NHEJ1: variants seen among roughly 807,000 people sequenced by gnomAD.
NHEJ1 encodes the protein non-homologous end-joining factor 1.
In NHEJ1, 22 loss-of-function variants were observed where a neutral mutation model predicts 39.4. The observed-to-expected ratio is 0.56, with a 90% confidence interval of 0.40 to 0.80. The LOEUF (loss-of-function observed/expected upper bound fraction) is 0.80, where lower values mean the gene tolerates loss of function less well. Among genes scored for constraint, NHEJ1 ranks in the 30% least tolerant of loss-of-function variants. The pLI is 0.00. For missense variants in NHEJ1, 329 were observed against 357.1 expected (o/e 0.92, Z 0.63); for synonymous variants, 154 against 135.6 (o/e 1.14, Z -0.94).
intron 5 of NHEJ1, among the ~76,000 whole-genome samples, chr2:219,122,652 T>G (rs186890920): frequency 5.5e-4 from 84 of 152,290 alleles, no homozygotes; most frequent in African/African-American, 2.0e-3. Flanking sequence ...CTCTTAAGAT[T>G]TGCCTCCTCC....
rs1948964259 is a variant in NHEJ1 at position 219,072,276 on chromosome 2, C to G, written c.*4105G>C. ...CATCAATGCAGCTGGGAACCCCCCT[C>G]CTATAAAGTATGGGCTTCCTTCTCT... On this transcript the variant is annotated 3_prime_UTR_variant, in exon 8 of 8. Transcript: ENST00000356853. Among the ~76,000 whole-genome samples the G allele has an allele frequency of 6.6e-6, 1 of 152,190 alleles. No individual in the cohort carries two copies. The highest frequency in any genetic ancestry group is 1.5e-5 in the Non-Finnish European group (1 of 68,028).
At chr2:219,128,685 C>T (rs1046118885) in intron 5 of NHEJ1, among the ~76,000 whole-genome samples, 2 of 152,206 alleles carry the variant, frequency 1.3e-5, no homozygotes, top group African/African-American at 4.8e-5. Context: ...CTCCTTGACA[C>T]GTTCTTGCCC....
At chr2:219,160,645 C>G (rs1345229471) in intron 1 of NHEJ1, 75 bp downstream of exon 1, 1 of 152,282 alleles carries the variant, frequency 6.6e-6, no homozygotes, top group African/African-American at 2.4e-5. Flanking sequence ...AGGCCAGCGC[C>G]AGGGCCAACC....
intron 5 of NHEJ1, among the ~76,000 whole-genome samples, chr2:219,104,050 T>C (rs1434125374): frequency 6.6e-6 from 1 of 152,234 alleles, no homozygotes; most frequent in Non-Finnish European, 1.5e-5. Flanking sequence ...TTTTTGGTTC[T>C]GGTTTTGTTT....
At chr2:219,123,156 T>C (rs1185877666) in intron 5 of NHEJ1, among the ~76,000 whole-genome samples, 1 of 152,104 alleles carries the variant, frequency 6.6e-6, no homozygotes, top group African/African-American at 2.4e-5. Context: ...ATAGCTACAG[T>C]AGAGGGGTAG....
chr2:219,159,794 A>G (rs1447027930), intron 1 of NHEJ1, among the ~76,000 whole-genome samples: 1 of 150,496 alleles, frequency 6.6e-6, no homozygotes, highest in Non-Finnish European at 1.5e-5. Context: ...TAAAGTCGCC[A>G]CTTTCATCTC....
intron 3 of NHEJ1, among the ~76,000 whole-genome samples, chr2:219,152,969 AT>A (rs1386648416): frequency 6.6e-6 from 1 of 151,726 alleles, no homozygotes; most frequent in African/African-American, 2.4e-5. Context: ...TGCCCGGCTA[AT>A]TTTTGTATTT....
chr2:219,122,786 G>A (rs1022675953), intron 5 of NHEJ1, among the ~76,000 whole-genome samples: 4 of 152,098 alleles, frequency 2.6e-5, no homozygotes, highest in East Asian at 1.9e-4. Context: ...GAGCCTCTGC[G>A]GTCACATGAA....
At position 219,070,694 on chromosome 2, in the gene NHEJ1, T is replaced by C. The variant is rs1002100956; in HGVS notation, c.*5687A>G. 6.6e-6 allele frequency among the ~76,000 whole-genome samples: 1 copy of C among 152,016 alleles called. No individual in the cohort carries two copies. The highest frequency in any genetic ancestry group is 2.4e-5 in the African/African-American group (1 of 41,414). On this transcript the variant is annotated 3_prime_UTR_variant, in exon 8 of 8. Transcript: ENST00000356853. Reference sequence around the variant, plus strand: ...CAATCTTTTCTTTCTTTTTTTTTTTTAATTCAAAATACCATTGTACAGCTT... The same window carrying C: ...CAATCTTTTCTTTCTTTTTTTTTTTCAATTCAAAATACCATTGTACAGCTT...
chr2:219,146,370 A>C (rs2293081), intron 5 of NHEJ1, among the ~76,000 whole-genome samples: 18,710 of 152,266 alleles, frequency 0.12, 1,136 homozygotes, highest in East Asian at 0.15. Flanking sequence ...CTCAACAAGC[A>C]AAAATTTAAT....
chr2:219,074,610 G>A lies in NHEJ1; in HGVS notation c.*1771C>T, dbSNP rs985189484. Reference sequence around the variant, plus strand: ...AATACAAAAATTAGCCGGGCTTGGTGGCAGGCATCTAATCCCAGCTACTCG... The same window carrying A: ...AATACAAAAATTAGCCGGGCTTGGTAGCAGGCATCTAATCCCAGCTACTCG... On this transcript the variant is annotated 3_prime_UTR_variant, in exon 8 of 8. Transcript: ENST00000356853. Among the ~76,000 whole-genome samples the A allele has an allele frequency of 1.3e-5, 2 of 151,904 alleles. No individual in the cohort carries two copies. The highest frequency in any genetic ancestry group is 2.9e-5 in the Non-Finnish European group (2 of 67,992).
intron 5 of NHEJ1, among the ~76,000 whole-genome samples, chr2:219,085,728 G>A (rs879140253): frequency 7.0e-5 from 7 of 99,730 alleles, no homozygotes; most frequent in South Asian, 3.5e-4. Context: ...CCCCACCCCC[G>A]CCACCTTTTA....
chr2:219,137,588 A>AC (rs1949645560), intron 5 of NHEJ1, among the ~76,000 whole-genome samples: 1 of 138,468 alleles, frequency 7.2e-6, no homozygotes, highest in Non-Finnish European at 1.6e-5. Flanking sequence ...AAAAAAAAAA[A>AC]AAAACAAAAA....
At chr2:219,151,256 A>C (rs1949792715) in intron 3 of NHEJ1, among the ~76,000 whole-genome samples, 1 of 152,184 alleles carries the variant, frequency 6.6e-6, no homozygotes. Context: ...TTACTACCCA[A>C]GCAGCAACAC....
At chr2:219,103,498 T>G (rs1949286300) in intron 5 of NHEJ1, among the ~76,000 whole-genome samples, 1 of 151,992 alleles carries the variant, frequency 6.6e-6, no homozygotes, top group African/African-American at 2.4e-5. Flanking sequence ...ATGGTCTCCA[T>G]CTCCTGACCT....
intron 5 of NHEJ1, among the ~76,000 whole-genome samples, chr2:219,112,047 G>C (rs1949370907): frequency 6.6e-6 from 1 of 152,194 alleles, no homozygotes; most frequent in African/African-American, 2.4e-5. Context: ...GTGGGGGTCA[G>C]AGAAATAGGA....
intron 5 of NHEJ1, among the ~76,000 whole-genome samples, chr2:219,121,568 C>T (rs1949471698): frequency 6.6e-6 from 1 of 152,142 alleles, no homozygotes; most frequent in South Asian, 2.1e-4. Context: ...CAGCTGGACA[C>T]AGTGGCTCAT....
chr2:219,151,449 C>T (rs1949794320), intron 3 of NHEJ1, among the ~76,000 whole-genome samples: 1 of 152,166 alleles, frequency 6.6e-6, no homozygotes, highest in African/African-American at 2.4e-5. Context: ...AATGCCACAT[C>T]AGGCAACTGA....
intron 5 of NHEJ1, among the ~76,000 whole-genome samples, chr2:219,080,104 A>C (rs1393533296): frequency 1.3e-5 from 2 of 152,192 alleles, no homozygotes; most frequent in African/African-American, 4.8e-5. Flanking sequence ...TAAATGTGGA[A>C]CCTAATCTAA....
Sources: allele counts gnomAD v4.1 joint callset (sites outside exome capture counted in the v4.1 genomes callset), GRCh38; gene constraint gnomAD v4.1.1; transcripts MANE v1.5; gene names NCBI Gene and HGNC (gene_info 2026-07-23, HGNC 2026-07-21).